Variants in UHRF1 observed in about 807,000 individuals in gnomAD.
The protein encoded by UHRF1 is E3 ubiquitin-protein ligase UHRF1.
Under a neutral mutation model 96.5 loss-of-function variants are expected in UHRF1, and 9 were observed. The ratio of observed to expected loss-of-function variants is 0.09; its 90% CI spans 0.06 to 0.16. The LOEUF (loss-of-function observed/expected upper bound fraction) is 0.16, where lower values mean the gene tolerates loss of function less well. Ranked by LOEUF, UHRF1 falls within the 10% of genes least tolerant of loss-of-function variation. The pLI is 1.00. For synonymous variants in UHRF1, 455 were observed against 469.9 expected (o/e 0.97, Z 0.41); for missense variants, 626 against 1,131.1 (o/e 0.55, Z 6.40).
intron 15 of UHRF1, among the ~76,000 whole-genome samples, chr19:4,955,293 C>T (rs2033828345): frequency 6.6e-6 from 1 of 152,158 alleles, no homozygotes; most frequent in East Asian, 1.9e-4. Context: ...AGGGGAGAAC[C>T]AGATTTCTGC....
intron 2 of UHRF1, among the ~76,000 whole-genome samples, chr19:4,926,175 T>G (rs1568413685): frequency 6.6e-6 from 1 of 152,224 alleles, no homozygotes; most frequent in Non-Finnish European, 1.5e-5. Flanking sequence ...ATTACAGGCG[T>G]GAGCCACCGC....
In UHRF1 at chr19:4,929,394, C is replaced by T. The variant is rs779405595; in HGVS notation, c.326C>T (p.Thr109Ile). ...LGQSESDKSS[T>I]HGEAAAETDS... ...CAGAGTGAGTCAGACAAGTCCTCCA[C>T]CCACGGTGAGGCGGCCGCCGAGACT... The change falls in exon 3 of 17, where the codon ACC becomes ATC. Residue 109 changes from threonine (T) to isoleucine (I), a missense_variant. This residue lies in a region of UHRF1 where 53 missense variants were observed against 95.9 expected (regional missense o/e 0.55). Coordinates refer to ENST00000650932, the MANE Select transcript of UHRF1 (RefSeq NM_001048201.3). The T allele has an allele frequency of 1.4e-5, 22 of 1,613,644 alleles. No individual in the cohort carries two copies. Among genetic ancestry groups the T allele is most frequent in the Non-Finnish European group, 1.9e-5 (22 of 1,179,876 alleles).
chr19:4,938,544 T>C (rs907604043), intron 5 of UHRF1, among the ~76,000 whole-genome samples: 1 of 151,906 alleles, frequency 6.6e-6, no homozygotes, highest in Non-Finnish European at 1.5e-5. Flanking sequence ...TTTGTTTGTT[T>C]TGAGACAAGG....
intron 10 of UHRF1, among the ~76,000 whole-genome samples, chr19:4,946,563 T>C (rs576945655): frequency 9.9e-5 from 15 of 151,838 alleles, no homozygotes; most frequent in Admixed American, 4.0e-4. Context: ...CCTGTGATAA[T>C]TCCATGTTGA....
chr19:4,955,141 C>T (rs1414749943), intron 15 of UHRF1, among the ~76,000 whole-genome samples: 2 of 152,096 alleles, frequency 1.3e-5, no homozygotes, highest in African/African-American at 4.8e-5. Flanking sequence ...CTGTCTCTGT[C>T]TCCCGGGGCT....
chr19:4,909,599 C>G lies in UHRF1; in HGVS notation c.-67C>G, dbSNP rs1213252170. 12 of 642,872 alleles carry G rather than the reference C, an allele frequency of 1.9e-5. No homozygotes were observed. The highest frequency in any genetic ancestry group is 3.3e-5 in the Non-Finnish European group (12 of 359,662). The allele number at this position is 642,872 out of a possible 1,614,324, so 39.8% of individuals were successfully genotyped here. A position where few individuals can be genotyped will look rare whatever the true frequency, so the allele number is the denominator to read the frequency against. ...CCGGGCCACGCACGCGGTTTCATCG[C>G]CATCCCCAGCCGGGCCACGCGCGCA... On this transcript the variant is annotated 5_prime_UTR_variant, in exon 1 of 17. Transcript: ENST00000650932.
chr19:4,942,038 G>A, intron 7 of UHRF1, 107 bp downstream of exon 7: 2 of 1,241,328 alleles, frequency 1.6e-6, no homozygotes, highest in Non-Finnish European at 2.1e-6. Context: ...GCTCACGCCT[G>A]CAATCCCAGT....
intron 2 of UHRF1, among the ~76,000 whole-genome samples, chr19:4,913,881 G>A (rs1271497116): frequency 7.1e-6 from 1 of 140,936 alleles, no homozygotes; most frequent in Non-Finnish European, 1.5e-5. Flanking sequence ...GCGTGATCTC[G>A]GCTTACCTCA....
intron 11 of UHRF1, among the ~76,000 whole-genome samples, chr19:4,948,076 C>T (rs1431797105): frequency 1.5e-5 from 2 of 135,486 alleles, no homozygotes; most frequent in African/African-American, 5.6e-5. Flanking sequence ...TGCACTCCAG[C>T]TTGAGCAACA....
At chr19:4,922,334 C>T (rs1023831104) in intron 2 of UHRF1, among the ~76,000 whole-genome samples, 6 of 151,564 alleles carry the variant, frequency 4.0e-5, no homozygotes, top group Admixed American at 6.6e-5. Context: ...GGTGTGATCT[C>T]GGCTCACTGC....
chr19:4,950,539 C>G (rs934103515), intron 11 of UHRF1, 72 bp from the exon 12 acceptor site: 1 of 1,515,740 alleles, frequency 6.6e-7, no homozygotes, highest in Non-Finnish European at 8.9e-7. Flanking sequence ...CCACCACTCC[C>G]GGCTCCTGTG....
chr19:4,953,251 T>A (rs2033766669), intron 13 of UHRF1, among the ~76,000 whole-genome samples: 1 of 152,120 alleles, frequency 6.6e-6, no homozygotes, highest in Non-Finnish European at 1.5e-5. Context: ...CGTCCCCCCC[T>A]TACCAGGGGG....
chr19:4,953,512 G>A (rs2033773750), intron 13 of UHRF1, among the ~76,000 whole-genome samples: 2 of 152,100 alleles, frequency 1.3e-5, no homozygotes, highest in Non-Finnish European at 1.5e-5. Flanking sequence ...TGTCCAGGCT[G>A]GAGTGTAGTG....
intron 13 of UHRF1, among the ~76,000 whole-genome samples, chr19:4,952,340 C>T (rs1046462557): frequency 1.5e-4 from 23 of 150,276 alleles, no homozygotes; most frequent in East Asian, 5.9e-4. Context: ...GTGATCCACC[C>T]GCCTCTGCCT....
At chr19:4,916,606 C>T (rs1161189742) in intron 2 of UHRF1, among the ~76,000 whole-genome samples, 1 of 152,162 alleles carries the variant, frequency 6.6e-6, no homozygotes, top group African/African-American at 2.4e-5. Context: ...TCCACCCGTC[C>T]TGTGTGCTGG....
intron 5 of UHRF1, among the ~76,000 whole-genome samples, chr19:4,934,042 AAGAC>A (rs2033144573): frequency 1.3e-5 from 2 of 149,950 alleles, no homozygotes; most frequent in Admixed American, 6.7e-5. Context: ...TTTTTTTTAA[AAGAC>A]AGAGTCTCCC....
At chr19:4,956,943 G>A (rs963306315) in intron 16 of UHRF1, 130 bp downstream of exon 16, 13 of 707,192 alleles carry the variant, frequency 1.8e-5, no homozygotes, top group African/African-American at 3.5e-5. Context: ...AGCTTTTCTC[G>A]GGGCCCTGTT....
chr19:4,924,356 A>G (rs2032800125), intron 2 of UHRF1, among the ~76,000 whole-genome samples: 1 of 152,064 alleles, frequency 6.6e-6, no homozygotes, highest in African/African-American at 2.4e-5. Flanking sequence ...TCGCCGTGTT[A>G]GCCAGGATGG....
chr19:4,909,278 C>T, upstream of UHRF1: 1 of 531,768 alleles, frequency 1.9e-6, no homozygotes, highest in Non-Finnish European at 3.3e-6. Flanking sequence ...GGCCCTGCCA[C>T]GCAGCCCCTT....
Sources: allele counts gnomAD v4.1 joint callset (sites outside exome capture counted in the v4.1 genomes callset), GRCh38; gene constraint gnomAD v4.1.1; regional missense constraint gnomAD v4.1.1; transcripts MANE v1.5; gene names NCBI Gene and HGNC (gene_info 2026-07-23, HGNC 2026-07-21).